Variants in EEFSEC observed in about 807,000 individuals in gnomAD.
EEFSEC encodes selenocysteine-specific elongation factor.
EEFSEC carries 43 observed loss-of-function variants against 42.1 expected under a neutral mutation model. That is an observed-to-expected ratio of 1.02 (90% CI 0.80 to 1.32). EEFSEC has a LOEUF of 1.32. EEFSEC is among the 40% of genes most tolerant of loss of function. The pLI is 0.00. For missense variants in EEFSEC, 745 were observed against 803.6 expected, an observed-to-expected ratio of 0.93 and a Z score of 0.88; for synonymous variants, 354 against 339.1, an observed-to-expected ratio of 1.04 and a Z score of -0.48.
At chr3:128,193,204 G>A (rs1353133725) in intron 1 of EEFSEC, among the ~76,000 whole-genome samples, 1 of 152,188 alleles carries the variant, frequency 6.6e-6, no homozygotes, top group African/African-American at 2.4e-5. Flanking sequence ...CCCCTCTCAG[G>A]ACTTGGGGGA....
chr3:128,210,842 G>C (rs1158793259), intron 1 of EEFSEC, among the ~76,000 whole-genome samples: 1 of 152,222 alleles, frequency 6.6e-6, no homozygotes, highest in South Asian at 2.1e-4. Context: ...AGGGTTCAGA[G>C]ACTTAGGCAT....
chr3:128,297,227 G>A (rs1199734368), intron 4 of EEFSEC, among the ~76,000 whole-genome samples: 1 of 152,034 alleles, frequency 6.6e-6, no homozygotes, highest in Non-Finnish European at 1.5e-5. Context: ...TCCCCCAAGG[G>A]AGGACAGCTT....
the EEFSEC span, among the ~76,000 whole-genome samples, chr3:128,413,751 A>AC: frequency 6.6e-6 from 1 of 151,742 alleles, no homozygotes; most frequent in Non-Finnish European, 1.5e-5. Flanking sequence ...GCCAGGCCTC[A>AC]CCCCCCAAGG....
At chr3:128,375,955 A>G (rs955036029) in intron 6 of EEFSEC, among the ~76,000 whole-genome samples, 4 of 152,214 alleles carry the variant, frequency 2.6e-5, no homozygotes, top group African/African-American at 7.2e-5. Context: ...GAAATAGGGT[A>G]TTTGAAGCCT....
intron 4 of EEFSEC, among the ~76,000 whole-genome samples, chr3:128,265,827 A>G (rs531665598): frequency 6.6e-6 from 1 of 152,380 alleles, no homozygotes; most frequent in Non-Finnish European, 1.5e-5. Context: ...CTAGGTATCT[A>G]TAGATACATA....
intron 1 of EEFSEC, among the ~76,000 whole-genome samples, chr3:128,167,968 T>G (rs532062854): frequency 3.3e-4 from 50 of 152,294 alleles, no homozygotes; most frequent in Middle Eastern, 3.4e-3. Flanking sequence ...CCTTTAACCT[T>G]GGGGTTTCTT....
At chr3:128,265,475 CAA>C (rs1200768355) in intron 4 of EEFSEC, among the ~76,000 whole-genome samples, 1 of 152,164 alleles carries the variant, frequency 6.6e-6, no homozygotes, top group Non-Finnish European at 1.5e-5. Flanking sequence ...CTTTATGCGA[CAA>C]GAGAAACTTA....
chr3:128,299,266 C>G (rs150425252), intron 4 of EEFSEC, among the ~76,000 whole-genome samples: 1 of 152,268 alleles, frequency 6.6e-6, no homozygotes, highest in African/African-American at 2.4e-5. Flanking sequence ...GCCATTTTAA[C>G]TAGGGTGAGG....
At chr3:128,195,061 G>A (rs920356771) in intron 1 of EEFSEC, among the ~76,000 whole-genome samples, 2 of 143,628 alleles carry the variant, frequency 1.4e-5, no homozygotes, top group South Asian at 5.1e-4. Flanking sequence ...TCTCCCACCC[G>A]AGCACTGTGG....
intron 2 of EEFSEC, among the ~76,000 whole-genome samples, chr3:128,260,817 T>A (rs1015068128): frequency 6.6e-6 from 1 of 152,246 alleles, no homozygotes; most frequent in Non-Finnish European, 1.5e-5. Context: ...TCCAGAGTTC[T>A]GAACAAGTTG....
At chr3:128,325,667 A>G (rs1411822916) in intron 4 of EEFSEC, among the ~76,000 whole-genome samples, 1 of 152,162 alleles carries the variant, frequency 6.6e-6, no homozygotes, top group Non-Finnish European at 1.5e-5. Flanking sequence ...GCAATGTGTG[A>G]TTACTTTAGA....
At position 128,260,966 on chromosome 3, in the gene EEFSEC, CA is replaced by C. The variant is rs63448265; in HGVS notation, c.525-1146del. On this transcript the variant is annotated intron_variant, in intron 2 of 6. Coordinates refer to ENST00000254730, the MANE Select transcript of EEFSEC (RefSeq NM_021937.5). The stretch of plus-strand genomic sequence containing the variant: ...CCACGAATTCATCCCACAGCCAAGG[CA>C]AAAAAAAAAAAAAAACATTCATGCC... 4.1e-3 allele frequency among the ~76,000 whole-genome samples: 143 copies of C among 34,746 alleles called. 1 individual carries two copies. The highest frequency in any genetic ancestry group is 0.019 in the Middle Eastern group (1 of 54). The allele number at this position is 34,746 out of a possible 152,430, so 22.8% of individuals were successfully genotyped here.
intron 4 of EEFSEC, among the ~76,000 whole-genome samples, chr3:128,297,537 A>C (rs2066720147): frequency 6.6e-6 from 1 of 152,154 alleles, no homozygotes; most frequent in South Asian, 2.1e-4. Context: ...GAACTCTGGC[A>C]CACACCCTTC....
chr3:128,289,425 G>A (rs945269351), intron 4 of EEFSEC, among the ~76,000 whole-genome samples: 1 of 152,218 alleles, frequency 6.6e-6, no homozygotes, highest in Non-Finnish European at 1.5e-5. Context: ...CTGGCAGGAG[G>A]CAGATGGAGG....
At chr3:128,412,446 T>G (rs2068180465), downstream of EEFSEC, among the ~76,000 whole-genome samples, 1 of 152,178 alleles carries the variant, frequency 6.6e-6, no homozygotes, top group Admixed American at 6.5e-5. Flanking sequence ...GCCTTGTCTG[T>G]CCTCTGAGGC....
In EEFSEC at chr3:128,306,765, C is replaced by T. The variant is rs80017174; in HGVS notation, c.787-34468C>T. Among the ~76,000 whole-genome samples the T allele has an allele frequency of 8.5e-3, 1,287 of 152,286 alleles. 20 individuals carry two copies. Among genetic ancestry groups the T allele is most frequent in the African/African-American group, 0.03 (1,236 of 41,566 alleles). On this transcript the variant is annotated intron_variant, in intron 4 of 6. Coordinates refer to ENST00000254730, the MANE Select transcript of EEFSEC (RefSeq NM_021937.5). The stretch of plus-strand genomic sequence containing the variant: ...CACGTAAAGCTATCCTTTCAAGGTA[C>T]TTCTTATATTTTTTGTCAGATGAGA...
chr3:128,206,168 T>C (rs1375657288), intron 1 of EEFSEC, among the ~76,000 whole-genome samples: 1 of 152,166 alleles, frequency 6.6e-6, no homozygotes. Flanking sequence ...AGCAGGATTG[T>C]GTGAGGCACA....
intron 4 of EEFSEC, among the ~76,000 whole-genome samples, chr3:128,292,772 T>C (rs193034667): frequency 9.2e-5 from 14 of 152,128 alleles, no homozygotes; most frequent in Non-Finnish European, 2.9e-5. Flanking sequence ...GTTGATTTTT[T>C]TTCTTTTGTT....
At chr3:128,278,306 C>T (rs1412249291) in intron 4 of EEFSEC, among the ~76,000 whole-genome samples, 2 of 152,152 alleles carry the variant, frequency 1.3e-5, no homozygotes, top group Non-Finnish European at 2.9e-5. Context: ...ATGGAATTAA[C>T]AAGGCTTTGT....
Sources: gnomAD v4.1 joint callset for allele counts (sites outside exome capture counted in the v4.1 genomes callset) on GRCh38, gnomAD v4.1.1 for gene constraint, MANE v1.5 for transcripts, NCBI Gene and HGNC (gene_info 2026-07-23, HGNC 2026-07-21) for gene names.